Variants in CEACAM20 observed in about 807,000 individuals in gnomAD.
CEACAM20 encodes the protein CEA cell adhesion molecule 20.
Under a neutral mutation model 61.2 loss-of-function variants are expected in CEACAM20, and 50 were observed. The observed-to-expected ratio is 0.82, with a 90% CI of 0.65 to 1.03. The LOEUF is 1.03. Among genes scored for constraint, CEACAM20 ranks in the 50% least tolerant of loss-of-function variants. The pLI, the probability that CEACAM20 is intolerant of heterozygous loss-of-function variation, is 0.00. For synonymous variants in CEACAM20, 282 were observed against 287.7 expected, an observed-to-expected ratio of 0.98 and a Z score of 0.20; for missense variants, 683 against 736.4, an observed-to-expected ratio of 0.93 and a Z score of 0.84.
intron 6 of CEACAM20, 139 bp downstream of exon 6, chr19:44,516,807 C>T (rs565640861): frequency 3.7e-4 from 333 of 901,566 alleles, no homozygotes; most frequent in Non-Finnish European, 4.6e-4. Context: ...TGGGATTCAA[C>T]AGCTGTGGAC....
intron 4 of CEACAM20, among the ~76,000 whole-genome samples, chr19:44,521,516 G>T (rs1462463930): frequency 2.0e-5 from 3 of 152,122 alleles, no homozygotes; most frequent in Admixed American, 2.0e-4. Flanking sequence ...TGTTGTATGT[G>T]TGAGCATTTT....
rs762350718 is a variant in CEACAM20, at chr19:44,513,213, G to A, written c.1386C>T (p.Ala462=). Residue 462 remains alanine (A), a synonymous_variant, in exon 7 of 12, where the codon GCC becomes GCT. Coordinates refer to ENST00000614924, the MANE Select transcript of CEACAM20 (RefSeq NM_001102597.3). ...VIGILAVIAV[A]SELGYFLCIR... ...TGCAGAGAAAATAGCCCAGTTCTGA[G>A]GCCACAGCAATGACAGCCAGGATCC... 1 of 1,613,610 alleles carries A rather than the reference G, an allele frequency of 6.2e-7. No individual in the cohort carries two copies. Among genetic ancestry groups the A allele is most frequent in the African/African-American group, 1.3e-5 (1 of 74,838 alleles).
intron 11 of CEACAM20, among the ~76,000 whole-genome samples, chr19:44,508,076 T>C (rs551348857): frequency 2.0e-5 from 3 of 152,346 alleles, no homozygotes; most frequent in South Asian, 4.1e-4. Context: ...TGGAGTTCTC[T>C]GTCCCTAAAC....
chr19:44,511,008 A>G, intron 11 of CEACAM20, 22 bp downstream of exon 11: 1 of 1,613,688 alleles, frequency 6.2e-7, no homozygotes, highest in African/African-American at 1.3e-5. Context: ...CTGTCCAAAG[A>G]CTCAGTGTGG....
chr19:44,523,172 G>T (rs922931818), intron 3 of CEACAM20, among the ~76,000 whole-genome samples: 3 of 152,086 alleles, frequency 2.0e-5, no homozygotes, highest in African/African-American at 7.2e-5. Flanking sequence ...ATTTTGGGAG[G>T]CTGAGGCAAG....
At chr19:44,514,559 CT>C (rs1971099878) in intron 6 of CEACAM20, among the ~76,000 whole-genome samples, 1 of 151,690 alleles carries the variant, frequency 6.6e-6, no homozygotes, top group Admixed American at 6.6e-5. Flanking sequence ...AGCAATTCTT[CT>C]GCTTCACCCT....
At chr19:44,510,556 G>T (rs957655103) in intron 11 of CEACAM20, among the ~76,000 whole-genome samples, 1 of 29,174 alleles carries the variant, frequency 3.4e-5, no homozygotes, top group Non-Finnish European at 5.9e-5. Context: ...AGGAAAGAAA[G>T]AAAGAAAGAA....
chr19:44,506,320 A>G (rs1012371425), intron 11 of CEACAM20, 106 bp from the exon 12 acceptor site: 38 of 938,390 alleles, frequency 4.0e-5, no homozygotes, highest in Non-Finnish European at 5.9e-5. Flanking sequence ...TTTCTTTGGA[A>G]ATTCCAAAAA....
At chr19:44,519,229 G>A (rs936855084) in intron 5 of CEACAM20, among the ~76,000 whole-genome samples, 4 of 152,006 alleles carry the variant, frequency 2.6e-5, no homozygotes, top group East Asian at 1.9e-4. Context: ...TTTGTCCCCC[G>A]GGGTCCCATT....
At chr19:44,510,844 T>C (rs1376884410) in intron 11 of CEACAM20, among the ~76,000 whole-genome samples, 186 bp downstream of exon 11, 4 of 151,956 alleles carry the variant, frequency 2.6e-5, no homozygotes, top group Non-Finnish European at 5.9e-5. Flanking sequence ...ATGGAGTGCG[T>C]TGGAAAGGAA....
intron 5 of CEACAM20, among the ~76,000 whole-genome samples, chr19:44,519,441 T>G (rs1306906471): frequency 6.6e-6 from 1 of 152,088 alleles, no homozygotes; most frequent in African/African-American, 2.4e-5. Flanking sequence ...AGCAAAGACA[T>G]GTACTCAACC....
chr19:44,507,136 T>C (rs549049192), intron 11 of CEACAM20, among the ~76,000 whole-genome samples: 3 of 152,318 alleles, frequency 2.0e-5, no homozygotes, highest in African/African-American at 7.2e-5. Flanking sequence ...AATGTTAATG[T>C]ACCACTTTCT....
At chr19:44,525,583 G>A (rs1396831413) in intron 1 of CEACAM20, among the ~76,000 whole-genome samples, 1 of 152,034 alleles carries the variant, frequency 6.6e-6, no homozygotes, top group Admixed American at 6.6e-5. Context: ...GCCAGGATTA[G>A]AGGCACAGGC....
chr19:44,520,749 GT>G lies in CEACAM20; in HGVS notation c.754del (p.Thr252HisfsTer2). The G allele has an allele frequency of 6.2e-7, 1 of 1,611,708 alleles. No homozygotes were observed. On this transcript the variant is annotated frameshift_variant and splice_region_variant, in exon 5 of 12. Transcript: ENST00000614924. LOFTEE classifies it high-confidence loss of function. The part of the protein sequence containing the change: ...LGTLKVRVLE[T>X]LTMPQVVPSS... ...AGGCACGACTTGAGGCATGGTCAGTGTTTCTGGAAACACGTGGAGATACACA... is the reference window on the plus strand; with the variant it reads ...AGGCACGACTTGAGGCATGGTCAGTGTTCTGGAAACACGTGGAGATACACA...
intron 1 of CEACAM20, among the ~76,000 whole-genome samples, chr19:44,527,171 A>G (rs1279494915): frequency 3.3e-5 from 5 of 152,152 alleles, no homozygotes; most frequent in African/African-American, 4.8e-5. Context: ...AAATGGAGAT[A>G]ATAGTAGAAC....
chr19:44,512,015 A>T lies in CEACAM20; in HGVS notation c.1575+2T>A. The T allele has an allele frequency of 6.2e-7, 1 of 1,607,660 alleles. No homozygotes were observed. The highest frequency in any genetic ancestry group is 8.5e-7 in the Non-Finnish European group (1 of 1,177,156). ...GAGGGTTCCCTCTGCAGCATCACTC[A>T]CCAGTTCGACTCTGATCCGTCCCTG... On this transcript the variant is annotated splice_donor_variant, in intron 9 of 11. Coordinates refer to ENST00000614924, the MANE Select transcript of CEACAM20 (RefSeq NM_001102597.3). LOFTEE classifies it high-confidence loss of function.
intron 5 of CEACAM20, among the ~76,000 whole-genome samples, chr19:44,517,466 G>C (rs1192456877): frequency 6.6e-6 from 1 of 152,104 alleles, no homozygotes; most frequent in African/African-American, 2.4e-5. Flanking sequence ...GGAAGGCCGA[G>C]GCAGGCAGAT....
intron 5 of CEACAM20, among the ~76,000 whole-genome samples, chr19:44,518,217 G>GGAGA (rs1326365235): frequency 3.8e-5 from 4 of 104,386 alleles, no homozygotes; most frequent in East Asian, 3.9e-4. Context: ...AAGGAAGGAA[G>GGAGA]GAGAGAGAGA....
intron 3 of CEACAM20, among the ~76,000 whole-genome samples, chr19:44,523,687 G>A (rs1971438013): frequency 6.6e-6 from 1 of 152,076 alleles, no homozygotes; most frequent in Admixed American, 6.6e-5. Context: ...AAAATGCTGG[G>A]ATTACAGGTG....
Sources: allele counts gnomAD v4.1 joint callset (sites outside exome capture counted in the v4.1 genomes callset), GRCh38; gene constraint gnomAD v4.1.1; transcripts MANE v1.5; gene names NCBI Gene and HGNC (gene_info 2026-07-23, HGNC 2026-07-21).